INSR: variants seen among roughly 807,000 people sequenced by gnomAD.
INSR encodes IR.
INSR carries 67 observed loss-of-function variants against 142.6 expected under a neutral mutation model. The observed-to-expected ratio is 0.47, with a 90% CI of 0.39 to 0.58. The LOEUF is 0.58. Ranked by LOEUF, INSR falls within the 20% of genes least tolerant of loss-of-function variation. INSR has a pLI of 0.00. For synonymous variants in INSR, 756 were observed against 743.1 expected, an observed-to-expected ratio of 1.02 and a Z score of -0.28; for missense variants, 1,248 against 1,833.2, an observed-to-expected ratio of 0.68 and a Z score of 5.83.
At chr19:7,262,723 T>G (rs12985940) in intron 2 of INSR, among the ~76,000 whole-genome samples, 1 of 152,072 alleles carries the variant, frequency 6.6e-6, no homozygotes, top group Non-Finnish European at 1.5e-5. Context: ...GAGGACAACA[T>G]GCTCAGTGAA....
At chr19:7,252,871 C>T (rs1316110674) in intron 2 of INSR, among the ~76,000 whole-genome samples, 2 of 151,834 alleles carry the variant, frequency 1.3e-5, no homozygotes, top group African/African-American at 4.9e-5. Flanking sequence ...ATCCCAGCAC[C>T]CTGGGAGGCC....
At chr19:7,227,459 G>C (rs1055399644) in intron 2 of INSR, among the ~76,000 whole-genome samples, 1 of 152,036 alleles carries the variant, frequency 6.6e-6, no homozygotes, top group Non-Finnish European at 1.5e-5. Context: ...TTTTTGTAGA[G>C]ATGGGGTTTC....
At chr19:7,227,743 A>G (rs1568203333) in intron 2 of INSR, among the ~76,000 whole-genome samples, 1 of 152,174 alleles carries the variant, frequency 6.6e-6, no homozygotes, top group Admixed American at 6.6e-5. Flanking sequence ...CAAGCCACAC[A>G]GGGTTATGGA....
At chr19:7,160,700 T>C (rs1479608213) in intron 9 of INSR, among the ~76,000 whole-genome samples, 1 of 151,688 alleles carries the variant, frequency 6.6e-6, no homozygotes, top group African/African-American at 2.4e-5. Context: ...AAAAACCCAA[T>C]GTTAAAATAA....
intron 2 of INSR, among the ~76,000 whole-genome samples, chr19:7,217,351 T>C (rs746557591): frequency 6.6e-6 from 1 of 152,066 alleles, no homozygotes; most frequent in Non-Finnish European, 1.5e-5. Flanking sequence ...TCTAGGATCA[T>C]CCCCCCGTCT....
At chr19:7,142,713 A>G in intron 12 of INSR, 103 bp downstream of exon 12, 1 of 1,398,278 alleles carries the variant, frequency 7.2e-7, no homozygotes, top group Non-Finnish European at 1.0e-6. Context: ...GAAGGCCAAT[A>G]AGGTAAAATA....
intron 1 of INSR, among the ~76,000 whole-genome samples, chr19:7,272,391 G>A (rs1967947769): frequency 6.6e-6 from 1 of 152,174 alleles, no homozygotes; most frequent in African/African-American, 2.4e-5. Context: ...GCTGAGGCAG[G>A]TGGATCACCT....
chr19:7,268,430 T>C, intron 1 of INSR: 1 of 985,274 alleles, frequency 1.0e-6, no homozygotes. Flanking sequence ...TGGTGAGGGC[T>C]TCCCAGGGAG....
At chr19:7,204,940 C>T (rs768958397) in intron 2 of INSR, among the ~76,000 whole-genome samples, 7 of 152,130 alleles carry the variant, frequency 4.6e-5, no homozygotes, top group African/African-American at 7.2e-5. Flanking sequence ...AAAAATTAGC[C>T]GGGCATGGTG....
At chr19:7,193,272 G>T (rs543339440) in intron 2 of INSR, among the ~76,000 whole-genome samples, 4 of 151,964 alleles carry the variant, frequency 2.6e-5, no homozygotes, top group Admixed American at 6.6e-5. Flanking sequence ...GGCTAAGCCT[G>T]GGAGGCTAAG....
chr19:7,152,511 C>T (rs567444550), intron 10 of INSR: 98 of 615,676 alleles, frequency 1.6e-4, no homozygotes, highest in African/African-American at 1.2e-3. Flanking sequence ...CCATTTTTCC[C>T]CTTTTGTGCG....
intron 2 of INSR, among the ~76,000 whole-genome samples, chr19:7,256,331 C>A (rs1976890688): frequency 1.3e-5 from 2 of 151,976 alleles, no homozygotes; most frequent in South Asian, 4.2e-4. Flanking sequence ...CGCCTGTAGT[C>A]CCAGCTACTT....
Position 7,116,323 on chromosome 19 carries a change from C to T in INSR, c.*733G>A, listed in dbSNP as rs1972322580. The T allele has an allele frequency of 6.6e-6, 1 of 151,910 alleles. No individual in the cohort carries two copies. Among genetic ancestry groups the T allele is most frequent in the Non-Finnish European group, 1.5e-5 (1 of 67,982 alleles). 9.4% of individuals were successfully genotyped at this position (151,910 alleles called of 1,614,324 possible). ...AAGGAGAGAGGGGGATGAGCTCGCA[C>T]CCTTGAGAAGAACCTTCATGAGCCA... On this transcript the variant is annotated 3_prime_UTR_variant, in exon 22 of 22. Transcript: ENST00000302850.
At chr19:7,236,082 T>G (rs1976151192) in intron 2 of INSR, among the ~76,000 whole-genome samples, 1 of 149,836 alleles carries the variant, frequency 6.7e-6, no homozygotes, top group African/African-American at 2.5e-5. Flanking sequence ...CAAGCAATTC[T>G]CCCACCATAG....
intron 2 of INSR, among the ~76,000 whole-genome samples, chr19:7,253,920 T>G (rs1043866119): frequency 1.3e-5 from 2 of 148,652 alleles, no homozygotes; most frequent in African/African-American, 5.0e-5. Flanking sequence ...ATCCCAGCAC[T>G]CAGGAGGCTG....
chr19:7,249,730 C>T (rs1028417286), intron 2 of INSR, among the ~76,000 whole-genome samples: 4 of 152,214 alleles, frequency 2.6e-5, no homozygotes, highest in East Asian at 3.9e-4. Flanking sequence ...CGGTGGCTCA[C>T]GCCTGTAATC....
At chr19:7,187,735 G>T (rs1568472851) in intron 2 of INSR, among the ~76,000 whole-genome samples, 2 of 151,572 alleles carry the variant, frequency 1.3e-5, no homozygotes, top group Non-Finnish European at 2.9e-5. Context: ...ACCACGCCCA[G>T]CTAAGTGTTT....
intron 2 of INSR, among the ~76,000 whole-genome samples, chr19:7,199,560 C>CTTTTTTTTT (rs3084138): frequency 7.6e-5 from 6 of 78,690 alleles, no homozygotes; most frequent in Admixed American, 3.5e-4. Context: ...ACTGCGACAG[C>CTTTTTTTTT]TTTTTTTTTT....
chr19:7,132,438 A>G, intron 13 of INSR, 121 bp from the exon 14 acceptor site: 1 of 1,051,882 alleles, frequency 9.5e-7, no homozygotes, highest in Non-Finnish European at 1.4e-6. Context: ...GCAGCAAAGC[A>G]CAGACTAAGA....
Sources: gnomAD v4.1 joint callset for allele counts (sites outside exome capture counted in the v4.1 genomes callset) on GRCh38, gnomAD v4.1.1 for gene constraint, MANE v1.5 for transcripts, NCBI Gene and HGNC (gene_info 2026-07-23, HGNC 2026-07-21) for gene names.